GIP: variants seen among roughly 807,000 people sequenced by gnomAD.
GIP encodes the protein gastric inhibitory polypeptide.
A neutral mutation model predicts 18.1 loss-of-function variants in GIP; 16 were observed. The ratio of observed to expected loss-of-function variants is 0.88; its 90% CI spans 0.60 to 1.34. The LOEUF is 1.34. Among genes scored for constraint, GIP ranks in the 40% most tolerant of loss-of-function variants. The pLI is 0.00. For synonymous variants in GIP, 76 were observed against 74.0 expected (o/e 1.03, Z -0.14); for missense variants, 192 against 183.4 (o/e 1.05, Z -0.27).
intron 2 of GIP, among the ~76,000 whole-genome samples, chr17:48,965,063 C>T (rs1312854362): frequency 6.7e-6 from 1 of 148,626 alleles, no homozygotes; most frequent in African/African-American, 2.5e-5. Context: ...GGCGTGAACC[C>T]GGGAGGCGGA....
chr17:48,959,250 G>A (rs1372688929), intron 5 of GIP, among the ~76,000 whole-genome samples: 1 of 152,122 alleles, frequency 6.6e-6, no homozygotes, highest in African/African-American at 2.4e-5. Context: ...CTGCAGTCTT[G>A]AACTCCTGGC....
intron 1 of GIP, 106 bp from the exon 2 acceptor site, chr17:48,967,359 C>CTTTT (rs369779985): frequency 4.2e-5 from 21 of 503,742 alleles, no homozygotes; most frequent in African/African-American, 3.6e-4. Flanking sequence ...TTTCCTTTTT[C>CTTTT]TTTTTTTTTT....
intron 2 of GIP, 24 bp downstream of exon 2, chr17:48,967,123 T>C (rs2041239377): frequency 4.5e-6 from 7 of 1,539,290 alleles, no homozygotes; most frequent in Non-Finnish European, 5.4e-6. Context: ...CTCTGCCCCA[T>C]CCCTTTCCTC....
chr17:48,958,943 C>A (rs1160894873), intron 5 of GIP, among the ~76,000 whole-genome samples: 1 of 151,652 alleles, frequency 6.6e-6, no homozygotes, highest in Non-Finnish European at 1.5e-5. Flanking sequence ...CAAGCTCCAC[C>A]TCCTGGGTTC....
intron 5 of GIP, among the ~76,000 whole-genome samples, chr17:48,959,268 A>G (rs899549478): frequency 6.6e-6 from 1 of 152,196 alleles, no homozygotes; most frequent in African/African-American, 2.4e-5. Context: ...GGCCTCAAGC[A>G]ATGCTCCCAC....
Position 48,960,947 on chromosome 17 carries a change from C to T in GIP, c.391G>A (p.Asp131Asn), listed in dbSNP as rs1385292232. ...GCCAACAGCTCTTGAATCAGCAAGT[C>T]CCGCAGCAAATCTTCATCGCTGGGG... ...KNPSDEDLLR[D>N]LLIQELLACL... The change falls in exon 5 of 6, where the codon GAC (aspartate) becomes AAC (asparagine). Residue 131 changes from aspartate (D) to asparagine (N), a missense_variant. Asp to Asn is a conservative substitution (Grantham distance 23). Coordinates refer to ENST00000357424, the MANE Select transcript of GIP (RefSeq NM_004123.3). 1.2e-6 allele frequency: 2 copies of T among 1,609,894 alleles called. No homozygotes were observed. Among genetic ancestry groups the T allele is most frequent in the Non-Finnish European group, 8.5e-7 (1 of 1,178,436 alleles).
In GIP at chr17:48,958,704, G is replaced by C; in HGVS notation, c.*3C>G. The C allele has an allele frequency of 6.3e-7, 1 of 1,581,936 alleles. No individual in the cohort carries two copies. The highest frequency in any genetic ancestry group is 8.6e-7 in the Non-Finnish European group (1 of 1,163,970). On this transcript the variant is annotated 3_prime_UTR_variant, in exon 6 of 6. Coordinates refer to ENST00000357424, the MANE Select transcript of GIP (RefSeq NM_004123.3). The stretch of plus-strand genomic sequence containing the variant: ...TCCAGTCCTGAGCTGGGTGTGGTCA[G>C]AGTCACCGAGACCTGGGGAGAGTGG...
intron 3 of GIP, among the ~76,000 whole-genome samples, chr17:48,962,340 G>A (rs1176205850): frequency 6.6e-6 from 1 of 152,070 alleles, no homozygotes; most frequent in African/African-American, 2.4e-5. Context: ...GGGATTACAG[G>A]TGTGAGCCAC....
intron 3 of GIP, 69 bp downstream of exon 3, chr17:48,964,241 T>G (rs1598104398): frequency 8.4e-7 from 1 of 1,193,378 alleles, no homozygotes; most frequent in Non-Finnish European, 1.2e-6. Context: ...CCACAGCCGG[T>G]GGCCTCCTCT....
At chr17:48,966,274 G>A (rs2041235543) in intron 2 of GIP, among the ~76,000 whole-genome samples, 1 of 148,458 alleles carries the variant, frequency 6.7e-6, no homozygotes, top group Non-Finnish European at 1.5e-5. Flanking sequence ...AAAAAAAAGG[G>A]CCAGGCACAG....
chr17:48,967,042 T>C, intron 2 of GIP, 105 bp downstream of exon 2: 1 of 837,696 alleles, frequency 1.2e-6, no homozygotes, highest in Non-Finnish European at 2.0e-6. Flanking sequence ...TCCTACCTCT[T>C]AGCCTGGATT....
intron 3 of GIP, among the ~76,000 whole-genome samples, chr17:48,963,610 A>G (rs949200269): frequency 6.6e-6 from 1 of 151,784 alleles, no homozygotes; most frequent in Non-Finnish European, 1.5e-5. Flanking sequence ...CAGTGAGCCA[A>G]GATCGAGCCA....
At chr17:48,959,228 G>C (rs769319867) in intron 5 of GIP, among the ~76,000 whole-genome samples, 14 of 152,244 alleles carry the variant, frequency 9.2e-5, no homozygotes, top group Non-Finnish European at 1.5e-4. Flanking sequence ...TTACAGATGT[G>C]ATCATAGATC....
At chr17:48,967,067 T>C in intron 2 of GIP, 80 bp downstream of exon 2, 1 of 1,057,388 alleles carries the variant, frequency 9.5e-7, no homozygotes, top group Non-Finnish European at 1.5e-6. Context: ...CCCTTTCTCA[T>C]CTCCCCCTAG....
intron 4 of GIP, among the ~76,000 whole-genome samples, chr17:48,961,280 T>G (rs942887497): frequency 6.6e-6 from 1 of 152,158 alleles, no homozygotes; most frequent in Non-Finnish European, 1.5e-5. Flanking sequence ...AGAGAGTACT[T>G]TGGGCACATT....
intron 3 of GIP, 32 bp downstream of exon 3, chr17:48,964,278 A>C: frequency 6.3e-7 from 1 of 1,582,824 alleles, no homozygotes; most frequent in South Asian, 1.1e-5. Context: ...AGCCCGGCAC[A>C]GGGAACAGGA....
At chr17:48,959,189 T>A (rs927355231) in intron 5 of GIP, among the ~76,000 whole-genome samples, 1 of 152,116 alleles carries the variant, frequency 6.6e-6, no homozygotes, top group African/African-American at 2.4e-5. Context: ...AGTCTCACTG[T>A]GGTGCCCAAG....
intron 3 of GIP, among the ~76,000 whole-genome samples, chr17:48,962,164 G>A (rs1420739845): frequency 6.6e-6 from 1 of 152,148 alleles, no homozygotes; most frequent in African/African-American, 2.4e-5. Flanking sequence ...CTGCCTCCCA[G>A]GCTGAAGCCA....
intron 1 of GIP, 122 bp downstream of exon 1, chr17:48,968,395 C>A (rs779921928): frequency 3.3e-5 from 5 of 152,266 alleles, no homozygotes; most frequent in African/African-American, 7.2e-5. Context: ...ACCTGACTAT[C>A]TTCTCACATC....
Sources: gnomAD v4.1 joint callset for allele counts (sites outside exome capture counted in the v4.1 genomes callset) on GRCh38, gnomAD v4.1.1 for gene constraint, MANE v1.5 for transcripts, NCBI Gene and HGNC (gene_info 2026-07-23, HGNC 2026-07-21) for gene names.